Variants in MAP3K21 observed in about 807,000 individuals in gnomAD.
MAP3K21 encodes mitogen-activated protein kinase kinase kinase MLK4.
A neutral mutation model predicts 86.1 loss-of-function variants in MAP3K21; 63 were observed. The observed-to-expected ratio is 0.73, with a 90% CI of 0.60 to 0.90. The LOEUF (loss-of-function observed/expected upper bound fraction) is 0.90. Among genes scored for constraint, MAP3K21 ranks in the 40% least tolerant of loss-of-function variants. The pLI is 0.00. For synonymous variants in MAP3K21, 558 were observed against 564.8 expected (o/e 0.99, Z 0.17); for missense variants, 1,220 against 1,367.7 (o/e 0.89, Z 1.70).
chr1:233,343,044 T>A (rs936011772), intron 1 of MAP3K21, among the ~76,000 whole-genome samples: 13 of 152,204 alleles, frequency 8.5e-5, no homozygotes, highest in African/African-American at 3.1e-4. Context: ...ATTACTTACC[T>A]AATAAGCCCC....
intron 2 of MAP3K21, among the ~76,000 whole-genome samples, chr1:233,349,581 C>T (rs541981633): frequency 6.6e-6 from 1 of 152,274 alleles, no homozygotes; most frequent in African/African-American, 2.4e-5. Context: ...CACACATTCT[C>T]TAGAGAAGTC....
In MAP3K21 at chr1:233,328,517, G is replaced by T. The variant is rs1286880296; in HGVS notation, c.489G>T (p.Ala163=). 6.5e-7 allele frequency: 1 copy of T among 1,528,130 alleles called. No homozygotes were observed. The highest frequency in any genetic ancestry group is 2.7e-5 in the East Asian group (1 of 37,592). 94.7% of individuals were successfully genotyped at this position (1,528,130 alleles called of 1,614,324 possible). A position where few individuals can be genotyped will look rare whatever the true frequency, so the allele number is the denominator to read the frequency against. ...AGGACCCGGAGCAGGACGCGGCGGC[G>T]GCTGCCGAGAGCGTGCGGCGCGAGG... is the stretch of plus-strand genomic sequence containing the variant. ...ARQDPEQDAA[A]AAESVRREAR... The change falls in exon 1 of 10, where the codon GCG becomes GCT. Residue 163 remains alanine (A), a synonymous_variant. Transcript: ENST00000366624. The surrounding 1 kb of genome is among the most constrained non-coding windows in gnomAD (Gnocchi z 8.7).
At chr1:233,376,281 G>A in intron 7 of MAP3K21, 149 bp from the exon 8 acceptor site, 1 of 711,370 alleles carries the variant, frequency 1.4e-6, no homozygotes, top group Non-Finnish European at 2.3e-6. Flanking sequence ...TCACTTTCAG[G>A]TATTATTTGT....
At position 233,384,385 on chromosome 1, in the gene MAP3K21, A is replaced by G. The variant is rs1161757192; in HGVS notation, c.*1674A>G. ...ACGATCTTGCATTCTGGATTCTTGC[A>G]GCAAAGTCTCAGATACTTAATACGT... On this transcript the variant is annotated 3_prime_UTR_variant, in exon 10 of 10. Coordinates refer to ENST00000366624, the MANE Select transcript of MAP3K21 (RefSeq NM_032435.3). 2.6e-5 allele frequency: 4 copies of G among 152,218 alleles called. No individual in the cohort carries two copies. Among genetic ancestry groups the G allele is most frequent in the Non-Finnish European group, 1.5e-5 (1 of 68,028 alleles). The allele number at this position is 152,218 out of a possible 1,614,324, so 9.4% of individuals were successfully genotyped here. A position where few individuals can be genotyped will look rare whatever the true frequency, so the allele number is the denominator to read the frequency against.
intron 5 of MAP3K21, among the ~76,000 whole-genome samples, chr1:233,368,948 A>G (rs1373151950): frequency 5.3e-5 from 8 of 152,178 alleles, no homozygotes; most frequent in South Asian, 2.1e-4. Context: ...AAGTACCTGT[A>G]ATGTGCAAGG....
intron 5 of MAP3K21, among the ~76,000 whole-genome samples, chr1:233,364,257 A>T (rs896407061): frequency 6.6e-6 from 1 of 152,170 alleles, no homozygotes; most frequent in Non-Finnish European, 1.5e-5. Context: ...CTTACGTGTC[A>T]GTCAGCCATA....
intron 1 of MAP3K21, among the ~76,000 whole-genome samples, chr1:233,339,515 C>T (rs1465390340): frequency 7.2e-6 from 1 of 139,372 alleles, no homozygotes; most frequent in African/African-American, 2.6e-5. Flanking sequence ...GGGTCTTTCT[C>T]TGTTGTCCAG....
rs1284613915 is a variant in MAP3K21, at chr1:233,327,987, G to C, written c.-42G>C. 2 of 1,243,272 alleles carry C rather than the reference G, an allele frequency of 1.6e-6. No individual in the cohort carries two copies. Among genetic ancestry groups the C allele is most frequent in the Non-Finnish European group, 2.0e-6 (2 of 995,234 alleles). 77.0% of individuals were successfully genotyped at this position (1,243,272 alleles called of 1,614,324 possible). On this transcript the variant is annotated 5_prime_UTR_variant, in exon 1 of 10. An upstream open reading frame in the 5' UTR loses its in-frame stop. Transcript: ENST00000366624. ...CGCGCCCGCGGCCGCCCGGGAGGCT[G>C]AGCCCAGCTTCCCGCTCCGCCTTCC...
chr1:233,341,158 A>G (rs1317140565), intron 1 of MAP3K21, among the ~76,000 whole-genome samples: 2 of 152,192 alleles, frequency 1.3e-5, no homozygotes, highest in African/African-American at 4.8e-5. Flanking sequence ...GATACTCACA[A>G]GAATTTACCA....
chr1:233,374,821 G>T, intron 6 of MAP3K21, among the ~76,000 whole-genome samples: 1 of 149,980 alleles, frequency 6.7e-6, no homozygotes, highest in African/African-American at 2.5e-5. Context: ...TTTTTATTAT[G>T]GTCACAGAGT....
At chr1:233,351,683 C>T (rs1039702504) in intron 2 of MAP3K21, among the ~76,000 whole-genome samples, 13 of 127,806 alleles carry the variant, frequency 1.0e-4, no homozygotes, top group South Asian at 2.8e-4. Flanking sequence ...GGAGACAGAG[C>T]GAGATTCCAT....
At chr1:233,330,936 TTTTTATAAAG>T (rs759408193) in intron 1 of MAP3K21, among the ~76,000 whole-genome samples, 32 of 152,316 alleles carry the variant, frequency 2.1e-4, no homozygotes, top group Admixed American at 2.6e-4. Context: ...AAATAGTAAA[TTTTTATAAAG>T]TTTTATAAAG....
At chr1:233,371,815 C>CTGATTCATTATTTGTG (rs1663689367) in intron 5 of MAP3K21, among the ~76,000 whole-genome samples, 1 of 150,750 alleles carries the variant, frequency 6.6e-6, no homozygotes, top group Non-Finnish European at 1.5e-5. Context: ...CATATAAGCT[C>CTGATTCATTATTTGTG]TGATTCATTA....
intron 1 of MAP3K21, among the ~76,000 whole-genome samples, chr1:233,332,350 G>A (rs1662821673): frequency 6.6e-6 from 1 of 152,076 alleles, no homozygotes; most frequent in South Asian, 2.1e-4. Flanking sequence ...GGGCTCTCCA[G>A]GGAAGGCACT....
In MAP3K21 at chr1:233,374,807, C is replaced by T. The variant is rs1341820924; in HGVS notation, c.1676-1109C>T. On this transcript the variant is annotated intron_variant, in intron 6 of 9. Transcript: ENST00000366624. ...TATAAACATTATGTATCATCTGTAC[C>T]TCATTTTTATTATGGTCACAGAGTA... 3.3e-5 allele frequency among the ~76,000 whole-genome samples: 5 copies of T among 150,576 alleles called. No homozygotes were observed. The East Asian group carries it at 9.7e-4, about 29-fold the overall frequency.
chr1:233,337,248 TG>T (rs2102759066), intron 1 of MAP3K21, among the ~76,000 whole-genome samples: 1 of 152,330 alleles, frequency 6.6e-6, no homozygotes, highest in Admixed American at 6.5e-5. Context: ...CAAATGAATG[TG>T]GCAGTGTTCC....
intron 1 of MAP3K21, among the ~76,000 whole-genome samples, chr1:233,337,972 T>C (rs1178566802): frequency 6.6e-6 from 1 of 152,260 alleles, no homozygotes; most frequent in Admixed American, 6.5e-5. Context: ...ATAATGCATC[T>C]GGTTGTATTA....
Position 233,328,842 on chromosome 1 carries a change from G to T in MAP3K21, c.805+9G>T, listed in dbSNP as rs1662760403. On this transcript the variant is annotated intron_variant, in intron 1 of 9. Transcript: ENST00000366624. The surrounding 1 kb of genome is among the most constrained non-coding windows in gnomAD (Gnocchi z 8.7). ...CCTCAAGTCCAGCAACAGTAAGTGGGGCCAGAGGGAGGTGGGGGAAGACTA... is the reference window on the plus strand; with the variant it reads ...CCTCAAGTCCAGCAACAGTAAGTGGTGCCAGAGGGAGGTGGGGGAAGACTA... 1.3e-6 allele frequency: 2 copies of T among 1,501,342 alleles called. No homozygotes were observed. Among genetic ancestry groups the T allele is most frequent in the East Asian group, 2.8e-5 (1 of 36,216 alleles). The allele number at this position is 1,501,342 out of a possible 1,614,324, so 93.0% of individuals were successfully genotyped here.
intron 1 of MAP3K21, among the ~76,000 whole-genome samples, chr1:233,336,468 G>A (rs1425474087): frequency 6.6e-6 from 1 of 151,998 alleles, no homozygotes; most frequent in Non-Finnish European, 1.5e-5. Flanking sequence ...TTGAATCAAG[G>A]AGGTGGAGGT....
Sources: gnomAD v4.1 joint callset for allele counts (sites outside exome capture counted in the v4.1 genomes callset) on GRCh38, gnomAD v4.1.1 for gene constraint, Gnocchi (gnomAD v3.1) non-coding constraint, MANE v1.5 for transcripts, NCBI Gene and HGNC (gene_info 2026-07-23, HGNC 2026-07-21) for gene names.